ZFHX3: variants seen among roughly 807,000 people sequenced by gnomAD.
ZFHX3 encodes zinc finger homeobox protein 3.
A neutral mutation model predicts 279.1 loss-of-function variants in ZFHX3; 42 were observed. The ratio of observed to expected loss-of-function variants is 0.15; its 90% CI spans 0.12 to 0.19. The LOEUF (loss-of-function observed/expected upper bound fraction) is 0.19, where lower values mean the gene tolerates loss of function less well. Among genes scored for constraint, ZFHX3 ranks in the 10% least tolerant of loss-of-function variants. ZFHX3 has a pLI of 1.00. For missense variants in ZFHX3, 4,981 were observed against 4,754.0 expected, an observed-to-expected ratio of 1.05 and a Z score of -1.40; for synonymous variants, 2,293 against 1,957.8, an observed-to-expected ratio of 1.17 and a Z score of -4.52.
chr16:73,771,448 T>G (rs1350640604), intron 1 of ZFHX3, among the ~76,000 whole-genome samples: 1 of 152,138 alleles, frequency 6.6e-6, no homozygotes, highest in African/African-American at 2.4e-5. Context: ...CACATGAAAC[T>G]TCTAAACTCA....
intron 3 of ZFHX3, chr16:73,421,078 T>C (rs1169390879): frequency 6.6e-6 from 1 of 152,190 alleles, no homozygotes. Flanking sequence ...ATCATTTACA[T>C]CTTTTTGGTA....
chr16:73,556,238 G>A (rs1300743212), intron 2 of ZFHX3, among the ~76,000 whole-genome samples: 1 of 152,094 alleles, frequency 6.6e-6, no homozygotes, highest in East Asian at 1.9e-4. Flanking sequence ...GAGGCACACC[G>A]AGCCCAGAGA....
intron 4 of ZFHX3, among the ~76,000 whole-genome samples, chr16:72,856,363 A>G (rs2037755464): frequency 6.6e-6 from 1 of 152,224 alleles, no homozygotes; most frequent in African/African-American, 2.4e-5. Context: ...GTGTCATGCA[A>G]GACCTGGGGG....
At chr16:73,728,675 T>C (rs1307090949) in intron 1 of ZFHX3, among the ~76,000 whole-genome samples, 1 of 152,134 alleles carries the variant, frequency 6.6e-6, no homozygotes, top group African/African-American at 2.4e-5. Flanking sequence ...TGGGAATCTG[T>C]AGCTCTTTGC....
intron 2 of ZFHX3, among the ~76,000 whole-genome samples, chr16:73,551,613 C>T (rs11149882): frequency 0.16 from 24,340 of 152,112 alleles, 2,496 homozygotes; most frequent in African/African-American, 0.28. Context: ...TCTGGAACCT[C>T]TAGAGCTGGC....
intron 1 of ZFHX3, among the ~76,000 whole-genome samples, chr16:73,774,012 C>T (rs1467187918): frequency 3.3e-5 from 5 of 152,076 alleles, no homozygotes; most frequent in African/African-American, 9.7e-5. Context: ...GTGACATGTG[C>T]TTGTAGTCCC....
chr16:72,932,709 G>C (rs1465991672), intron 3 of ZFHX3, among the ~76,000 whole-genome samples: 3 of 149,330 alleles, frequency 2.0e-5, no homozygotes, highest in Admixed American at 6.7e-5. Context: ...AACCAACAGC[G>C]TGTCAAGTTC....
At chr16:73,040,536 T>A (rs866321139) in intron 1 of ZFHX3, among the ~76,000 whole-genome samples, 2 of 132,132 alleles carry the variant, frequency 1.5e-5, no homozygotes, top group African/African-American at 5.5e-5. Context: ...CCTGCCAGCC[T>A]GGGGAGGGGG....
At chr16:73,487,321 A>C (rs2018992950) in intron 2 of ZFHX3, 2 of 326,050 alleles carry the variant, frequency 6.1e-6, no homozygotes, top group South Asian at 5.0e-5. Context: ...AGTTACTCAA[A>C]TGTCTTCTGA....
chr16:73,268,493 C>T (rs925343016), intron 4 of ZFHX3, among the ~76,000 whole-genome samples: 4 of 152,208 alleles, frequency 2.6e-5, no homozygotes, highest in Non-Finnish European at 5.9e-5. Context: ...CTGCGCCCGA[C>T]GCAGGGCATG....
chr16:73,438,662 A>G (rs548944637), intron 3 of ZFHX3, among the ~76,000 whole-genome samples: 21 of 152,384 alleles, frequency 1.4e-4, no homozygotes, highest in African/African-American at 4.8e-4. Context: ...GATAAAGTAG[A>G]GGAATAATCA....
chr16:73,301,060 C>T (rs745750917), intron 4 of ZFHX3, among the ~76,000 whole-genome samples: 8 of 152,296 alleles, frequency 5.3e-5, no homozygotes, highest in Non-Finnish European at 1.0e-4. Flanking sequence ...CATCTGGACA[C>T]TCGATGGCAT....
intron 2 of ZFHX3, among the ~76,000 whole-genome samples, chr16:73,587,494 C>G (rs111446044): frequency 6.0e-4 from 91 of 152,298 alleles, no homozygotes; most frequent in African/African-American, 2.1e-3. Flanking sequence ...AGAAATTGAA[C>G]TAAAAGCAAC....
rs562953134 is a variant in ZFHX3 at position 73,853,554 on chromosome 16, C to T, written c.-1608+38097G>A. Among the ~76,000 whole-genome samples, 3 of 152,284 alleles carry T rather than the reference C, an allele frequency of 2.0e-5. No individual in the cohort carries two copies. The South Asian group carries it at 6.2e-4, about 32-fold the overall frequency. On this transcript the variant is annotated intron_variant, in intron 1 of 17. Coordinates refer to the ZFHX3 transcript ENST00000641206. Reference sequence around the variant, plus strand: ...CAACATGGATGGAACTAGAGGTCATCATCCTAAGCAAACTAACTGAGAAAC... The same window carrying T: ...CAACATGGATGGAACTAGAGGTCATTATCCTAAGCAAACTAACTGAGAAAC...
chr16:73,269,422 A>G (rs892396485), intron 4 of ZFHX3, among the ~76,000 whole-genome samples: 5 of 152,218 alleles, frequency 3.3e-5, no homozygotes, highest in Non-Finnish European at 7.3e-5. Flanking sequence ...GGAATAATTC[A>G]GTATTTTTTG....
intron 3 of ZFHX3, among the ~76,000 whole-genome samples, chr16:73,452,941 T>G (rs2018301713): frequency 6.6e-6 from 1 of 152,224 alleles, no homozygotes. Context: ...GAGGTTACCT[T>G]TGGTCCACTT....
intron 1 of ZFHX3, among the ~76,000 whole-genome samples, chr16:73,741,936 C>T (rs922204811): frequency 3.9e-5 from 6 of 152,224 alleles, no homozygotes; most frequent in South Asian, 2.1e-4. Flanking sequence ...AAAAGAGAAA[C>T]CTTAATCATT....
At chr16:72,960,448 C>T (rs193028649) in intron 1 of ZFHX3, among the ~76,000 whole-genome samples, 276 of 152,268 alleles carry the variant, frequency 1.8e-3, no homozygotes, top group African/African-American at 6.4e-3. Flanking sequence ...CAGCCCTCTT[C>T]GGCTTCGAAT....
chr16:73,371,996 T>A (rs565540690), intron 3 of ZFHX3, among the ~76,000 whole-genome samples: 2 of 152,210 alleles, frequency 1.3e-5, no homozygotes, highest in Non-Finnish European at 2.9e-5. Context: ...TCACGCGAAT[T>A]TTTCTACTCT....
Sources: gnomAD v4.1 joint callset for allele counts (sites outside exome capture counted in the v4.1 genomes callset) on GRCh38, gnomAD v4.1.1 for gene constraint, MANE v1.5 for transcripts, NCBI Gene and HGNC (gene_info 2026-07-23, HGNC 2026-07-21) for gene names.